Variants in DOCK9 observed in about 807,000 individuals in gnomAD.
DOCK9 encodes the protein dedicator of cytokinesis protein 9.
Under a neutral mutation model 263.3 loss-of-function variants are expected in DOCK9, and 89 were observed. That is an observed-to-expected ratio of 0.34 (90% CI 0.28 to 0.40). DOCK9 has a LOEUF of 0.40. DOCK9 is among the 10% of genes least tolerant of loss of function. DOCK9 has a pLI of 1.00. For synonymous variants in DOCK9, 976 were observed against 973.1 expected (o/e 1.00, Z -0.06); for missense variants, 2,140 against 2,603.4 (o/e 0.82, Z 3.87).
intron 1 of DOCK9, among the ~76,000 whole-genome samples, chr13:98,983,742 G>A (rs1377571155): frequency 2.6e-5 from 4 of 151,468 alleles, no homozygotes; most frequent in African/African-American, 7.3e-5. Context: ...TCAGCCTCCC[G>A]AGTAGTTGGG....
chr13:98,839,622 C>T (rs1314183950), intron 38 of DOCK9, among the ~76,000 whole-genome samples: 2 of 152,204 alleles, frequency 1.3e-5, no homozygotes, highest in Non-Finnish European at 2.9e-5. Context: ...AAAGAACTGT[C>T]CTTTTCTTGG....
At chr13:98,815,582 G>C (rs530601108) in intron 45 of DOCK9, among the ~76,000 whole-genome samples, 254 of 152,198 alleles carry the variant, frequency 1.7e-3, no homozygotes, top group African/African-American at 5.8e-3. Context: ...CCGGGTTCAT[G>C]GCCATTCTCC....
intron 4 of DOCK9, 146 bp downstream of exon 4, chr13:98,925,691 C>A: frequency 2.0e-6 from 1 of 498,908 alleles, no homozygotes; most frequent in African/African-American, 1.9e-5. Flanking sequence ...ATCAAAGGCC[C>A]TGTAAACAAT....
chr13:99,049,928 C>T (rs1391485610), intron 1 of DOCK9, among the ~76,000 whole-genome samples: 2 of 152,320 alleles, frequency 1.3e-5, no homozygotes, highest in Non-Finnish European at 1.5e-5. Context: ...ATAATGAATG[C>T]TGCAGGTTCT....
chr13:99,040,665 A>AC (rs1265228386), intron 1 of DOCK9, among the ~76,000 whole-genome samples: 7 of 152,210 alleles, frequency 4.6e-5, no homozygotes, highest in African/African-American at 1.7e-4. Context: ...TGTGCGCCAG[A>AC]CACGGGAGAG....
intron 45 of DOCK9, among the ~76,000 whole-genome samples, chr13:98,811,904 C>T (rs1275047549): frequency 6.6e-6 from 1 of 152,134 alleles, no homozygotes; most frequent in Non-Finnish European, 1.5e-5. Flanking sequence ...ACATTTTAGA[C>T]TATGACCCAT....
chr13:98,915,442 AAGAGATAACTACTTTT>A lies in DOCK9; in HGVS notation c.763_778del (p.Lys255TrpfsTer16). The A allele has an allele frequency of 6.2e-7, 1 of 1,613,994 alleles. No individual in the cohort carries two copies. Among genetic ancestry groups the A allele is most frequent in the Non-Finnish European group, 8.5e-7 (1 of 1,179,874 alleles). On this transcript the variant is annotated frameshift_variant, in exon 8 of 53. Transcript: ENST00000682017. LOFTEE classifies it high-confidence loss of function. ...CATTTCCACTTCACTGTCTGCTGCCAAGAGATAACTACTTTTGTCCTGCATCTTGAGCTCAAAAGCA... is the reference window on the plus strand; with the variant it reads ...CATTTCCACTTCACTGTCTGCTGCCAGTCCTGCATCTTGAGCTCAAAAGCA...
chr13:98,839,411 G>A (rs776971637), intron 38 of DOCK9, among the ~76,000 whole-genome samples: 6 of 152,186 alleles, frequency 3.9e-5, no homozygotes, highest in Non-Finnish European at 8.8e-5. Flanking sequence ...AAAACAAACA[G>A]GTCGATGATG....
chr13:98,933,455 A>C (rs2054284081), intron 2 of DOCK9, among the ~76,000 whole-genome samples: 1 of 152,176 alleles, frequency 6.6e-6, no homozygotes, highest in African/African-American at 2.4e-5. Context: ...GGAGGAGAGA[A>C]ACCTGAGTTT....
intron 9 of DOCK9, among the ~76,000 whole-genome samples, chr13:98,910,947 G>A (rs1349161428): frequency 1.3e-5 from 2 of 152,032 alleles, no homozygotes; most frequent in South Asian, 2.1e-4. Context: ...CAGTTATCAG[G>A]TCAACTTCTT....
At chr13:99,071,942 G>A (rs1244864287) in intron 1 of DOCK9, among the ~76,000 whole-genome samples, 1 of 152,192 alleles carries the variant, frequency 6.6e-6, no homozygotes, top group Non-Finnish European at 1.5e-5. Context: ...TGAAGCACTA[G>A]TTTCCATGAG....
rs942557823 is a variant in DOCK9 at position 98,797,106 on chromosome 13, G to C, written c.6156+9C>G. On this transcript the variant is annotated intron_variant, in intron 52 of 52. Coordinates refer to ENST00000682017, the MANE Select transcript of DOCK9 (RefSeq NM_001366683.2). ...AACTCCAAGTTGTTGGAGCCAGTGC[G>C]GCCCTCACCTGCTCATGCATGATTT... is the stretch of plus-strand genomic sequence containing the variant. The C allele has an allele frequency of 6.2e-7, 1 of 1,613,808 alleles. No individual in the cohort carries two copies. The highest frequency in any genetic ancestry group is 1.7e-5 in the Admixed American group (1 of 59,992).
At chr13:98,810,905 T>C (rs562060651) in intron 45 of DOCK9, among the ~76,000 whole-genome samples, 2 of 152,302 alleles carry the variant, frequency 1.3e-5, no homozygotes, top group African/African-American at 2.4e-5. Flanking sequence ...CTGGCCACAG[T>C]CATTGCTTCA....
At chr13:98,977,011 T>C (rs545744397) in intron 1 of DOCK9, among the ~76,000 whole-genome samples, 8 of 152,314 alleles carry the variant, frequency 5.3e-5, no homozygotes, top group Middle Eastern at 6.8e-3. Flanking sequence ...TTTGAAAGGC[T>C]CAATTGTCCC....
chr13:98,918,513 A>G (rs1242402684), intron 7 of DOCK9, among the ~76,000 whole-genome samples: 1 of 152,230 alleles, frequency 6.6e-6, no homozygotes, highest in Non-Finnish European at 1.5e-5. Context: ...TCAAGACACA[A>G]CAACCAAAAT....
intron 2 of DOCK9, among the ~76,000 whole-genome samples, chr13:98,937,434 A>T (rs2055059115): frequency 6.6e-6 from 1 of 152,214 alleles, no homozygotes; most frequent in Non-Finnish European, 1.5e-5. Context: ...CGATAGACAG[A>T]TAGGTAGATA....
intron 39 of DOCK9, among the ~76,000 whole-genome samples, chr13:98,836,720 G>A (rs781160491): frequency 1.3e-5 from 2 of 150,760 alleles, no homozygotes; most frequent in African/African-American, 2.4e-5. Context: ...AAAGGGACAC[G>A]ATGTCAGGAA....
chr13:99,086,436 G>T, exon 1 of DOCK9: 2 of 861,064 alleles, frequency 2.3e-6, no homozygotes, highest in Non-Finnish European at 2.8e-6. Flanking sequence ...TCGGCGCCCG[G>T]CCCGCTCCGC....
rs2053687644 is a variant in DOCK9 at position 98,930,215 on chromosome 13, C to T, written c.286G>A (p.Val96Met). Residue 96 changes from valine (V) to methionine (M), a missense_variant, in exon 3 of 53, where the codon GTG becomes ATG. This residue lies in a region of DOCK9 where 1,521 missense variants were observed against 1,741.7 expected (regional missense o/e 0.87). Coordinates refer to ENST00000682017, the MANE Select transcript of DOCK9 (RefSeq NM_001366683.2). ...GCTTCCTCTTCCGCCTTCGCAGGCACTGTTGAGCATATGTATCGACCCTGT... is the reference window on the plus strand; with the variant it reads ...GCTTCCTCTTCCGCCTTCGCAGGCATTGTTGAGCATATGTATCGACCCTGT... ...RRQGRYICST[V>M]PAKAEEEAQS... 3 of 1,612,360 alleles carry T rather than the reference C, an allele frequency of 1.9e-6. No individual in the cohort carries two copies. In the East Asian group the frequency reaches 6.7e-5, roughly 36 times the overall value.
Sources: gnomAD v4.1 joint callset for allele counts (sites outside exome capture counted in the v4.1 genomes callset) on GRCh38, gnomAD v4.1.1 for gene constraint, gnomAD v4.1.1 regional missense constraint, MANE v1.5 for transcripts, NCBI Gene and HGNC (gene_info 2026-07-23, HGNC 2026-07-21) for gene names.